ZNF516: variants seen among roughly 807,000 people sequenced by gnomAD.
ZNF516 encodes zinc finger protein 516.
Under a neutral mutation model 79.7 loss-of-function variants are expected in ZNF516, and 19 were observed. The observed-to-expected ratio is 0.24, with a 90% confidence interval of 0.17 to 0.35. The LOEUF (loss-of-function observed/expected upper bound fraction) is 0.35, where lower values mean the gene tolerates loss of function less well. Among genes scored for constraint, ZNF516 ranks in the 10% least tolerant of loss-of-function variants. The pLI is 1.00. For missense variants in ZNF516, 1,678 were observed against 1,679.5 expected (o/e 1.00, Z 0.02); for synonymous variants, 877 against 739.5 (o/e 1.19, Z -3.02).
rs139949388 is a variant in ZNF516 at position 76,429,333 on chromosome 18, C to T, written c.1810+11912G>A. Among the ~76,000 whole-genome samples, 862 of 152,288 alleles carry T rather than the reference C, an allele frequency of 5.7e-3. 15 individuals carry two copies. The highest frequency in any genetic ancestry group is 0.018 in the African/African-American group (767 of 41,546). On this transcript the variant is annotated intron_variant, in intron 3 of 6. Coordinates refer to ENST00000443185, the MANE Select transcript of ZNF516 (RefSeq NM_014643.4). ...TGGGATTTTGTCCATGGCCTTGGGACAGATAAAAGACAACAAGCTCAGGCA... is the reference window on the plus strand; with the variant it reads ...TGGGATTTTGTCCATGGCCTTGGGATAGATAAAAGACAACAAGCTCAGGCA...
chr18:76,491,664 C>A, intron 1 of ZNF516: 1 of 625,846 alleles, frequency 1.6e-6, no homozygotes, highest in Non-Finnish European at 2.0e-6. Flanking sequence ...AACAAGCGGC[C>A]ACCGCCCCCA....
intron 3 of ZNF516, among the ~76,000 whole-genome samples, chr18:76,416,942 G>T (rs1241088468): frequency 2.0e-5 from 3 of 151,960 alleles, no homozygotes; most frequent in African/African-American, 7.3e-5. Flanking sequence ...AAAAAAAAAC[G>T]AATGCAGAAA....
intron 2 of ZNF516, among the ~76,000 whole-genome samples, chr18:76,460,853 C>T (rs1343111435): frequency 3.3e-5 from 5 of 152,180 alleles, no homozygotes; most frequent in Non-Finnish European, 4.4e-5. Flanking sequence ...AATTACTTAA[C>T]CCTTTGTTTT....
At chr18:76,488,741 TAATA>T (rs1004453894) in intron 1 of ZNF516, among the ~76,000 whole-genome samples, 1 of 152,254 alleles carries the variant, frequency 6.6e-6, no homozygotes, top group Non-Finnish European at 1.5e-5. Context: ...GTTCTATTAC[TAATA>T]ATTAAATCCA....
At chr18:76,433,287 A>T (rs1263115316) in intron 3 of ZNF516, among the ~76,000 whole-genome samples, 1 of 152,126 alleles carries the variant, frequency 6.6e-6, no homozygotes, top group Non-Finnish European at 1.5e-5. Context: ...TTCGCTGTCA[A>T]CTCTGAAGAA....
At position 76,360,008 on chromosome 18, in the gene ZNF516, C is replaced by G. The variant is rs2074507212; in HGVS notation, c.*2490G>C. On this transcript the variant is annotated 3_prime_UTR_variant, in exon 7 of 7. Transcript: ENST00000443185. ...TCAAGGGATGGCGTTCTTGGGGGGGCTCCCCAGTCTGTTTAACTGGGTGAA... is the reference window on the plus strand; with the variant it reads ...TCAAGGGATGGCGTTCTTGGGGGGGGTCCCCAGTCTGTTTAACTGGGTGAA... 6.6e-6 allele frequency: 1 copy of G among 152,280 alleles called. No individual in the cohort carries two copies. The highest frequency in any genetic ancestry group is 1.5e-5 in the Non-Finnish European group (1 of 68,088). The allele number at this position is 152,280 out of a possible 1,614,324, so 9.4% of individuals were successfully genotyped here.
intron 1 of ZNF516, among the ~76,000 whole-genome samples, chr18:76,488,960 T>C (rs1056814760): frequency 6.6e-6 from 1 of 152,228 alleles, no homozygotes; most frequent in African/African-American, 2.4e-5. Flanking sequence ...AACAAAATAA[T>C]GCATGTCTTC....
At chr18:76,456,906 T>C (rs1276634248) in intron 2 of ZNF516, among the ~76,000 whole-genome samples, 2 of 152,262 alleles carry the variant, frequency 1.3e-5, no homozygotes, top group Non-Finnish European at 2.9e-5. Context: ...AAAATCACTT[T>C]GCTGCATTAA....
rs1305940783 is a variant in ZNF516, at chr18:76,395,528, A to G, written c.1811-15225T>C. Among the ~76,000 whole-genome samples, 4 of 152,174 alleles carry G rather than the reference A, an allele frequency of 2.6e-5. No individual in the cohort carries two copies. In the East Asian group the frequency reaches 5.8e-4, roughly 22 times the overall value. On this transcript the variant is annotated intron_variant, in intron 3 of 6. Transcript: ENST00000443185. Reference sequence around the variant, plus strand: ...GCAGGTATCTCTTAAGGACCTGCAAATAAGAACAGTAACGTTAAGCACAGG... The same window carrying G: ...GCAGGTATCTCTTAAGGACCTGCAAGTAAGAACAGTAACGTTAAGCACAGG...
At chr18:76,364,330 G>C (rs1351749572) in intron 6 of ZNF516, among the ~76,000 whole-genome samples, 2 of 152,164 alleles carry the variant, frequency 1.3e-5, no homozygotes, top group Non-Finnish European at 2.9e-5. Context: ...CAGCCCTAGA[G>C]CATTTTTAAG....
chr18:76,404,692 AGT>A (rs1203728348), intron 3 of ZNF516, among the ~76,000 whole-genome samples: 1 of 151,804 alleles, frequency 6.6e-6, no homozygotes, highest in African/African-American at 2.4e-5. Flanking sequence ...TGTGAGCATG[AGT>A]GTGAGCATGA....
At chr18:76,384,970 G>C (rs947616656) in intron 3 of ZNF516, among the ~76,000 whole-genome samples, 1 of 152,266 alleles carries the variant, frequency 6.6e-6, no homozygotes, top group African/African-American at 2.4e-5. Context: ...GGCTGGCTCA[G>C]AAAGGCCTGG....
intron 3 of ZNF516, among the ~76,000 whole-genome samples, chr18:76,384,828 G>T (rs940086418): frequency 6.6e-6 from 1 of 152,280 alleles, no homozygotes; most frequent in Middle Eastern, 3.4e-3. Context: ...GCCCCTGGGT[G>T]GCAGTGCTCA....
chr18:76,414,514 C>T (rs1724645813), intron 3 of ZNF516, among the ~76,000 whole-genome samples: 1 of 152,192 alleles, frequency 6.6e-6, no homozygotes, highest in South Asian at 2.1e-4. Flanking sequence ...TGGTGATTTT[C>T]AAGAGTTACA....
In ZNF516 at chr18:76,362,189, C is replaced by T. The variant is rs931799063; in HGVS notation, c.*309G>A. The T allele has an allele frequency of 3.5e-6, 1 of 287,620 alleles. No homozygotes were observed. The highest frequency in any genetic ancestry group is 6.6e-6 in the Non-Finnish European group (1 of 151,518). 17.8% of individuals were successfully genotyped at this position (287,620 alleles called of 1,614,324 possible). ...CAGATGCCTTGTGCCCCTACTGTGCCTGCCAGTACTACTGTTTATTATAAG... is the reference window on the plus strand; with the variant it reads ...CAGATGCCTTGTGCCCCTACTGTGCTTGCCAGTACTACTGTTTATTATAAG... On this transcript the variant is annotated 3_prime_UTR_variant, in exon 7 of 7. Transcript: ENST00000443185.
At chr18:76,461,374 G>A (rs944578358) in intron 2 of ZNF516, among the ~76,000 whole-genome samples, 4 of 152,058 alleles carry the variant, frequency 2.6e-5, no homozygotes, top group Non-Finnish European at 5.9e-5. Flanking sequence ...GGCTTCCTCC[G>A]AGCCCTGTGG....
intron 3 of ZNF516, among the ~76,000 whole-genome samples, chr18:76,423,712 C>A (rs1408306008): frequency 6.9e-6 from 1 of 145,472 alleles, no homozygotes; most frequent in Non-Finnish European, 1.5e-5. Flanking sequence ...CCGAAACACA[C>A]GCAGGTGAAA....
chr18:76,379,246 G>C lies in ZNF516; in HGVS notation c.2868C>G (p.Pro956=). The C allele has an allele frequency of 6.2e-7, 1 of 1,612,586 alleles. No individual in the cohort carries two copies. The highest frequency in any genetic ancestry group is 8.5e-7 in the Non-Finnish European group (1 of 1,179,630). Residue 956 remains proline, a synonymous_variant, in exon 4 of 7, where the codon CCC becomes CCG. Transcript: ENST00000443185. ...NSKPVEKFGV[P]PAGAGFAPTN... Reference sequence around the variant, plus strand: ...TGGGGGCAAAGCCAGCCCCCGCTGGGGGGACCCCAAACTTCTCCACAGGCT... The same window carrying C: ...TGGGGGCAAAGCCAGCCCCCGCTGGCGGGACCCCAAACTTCTCCACAGGCT...
intron 3 of ZNF516, among the ~76,000 whole-genome samples, chr18:76,405,288 G>A (rs1237023163): frequency 2.0e-5 from 3 of 152,154 alleles, no homozygotes; most frequent in Non-Finnish European, 4.4e-5. Flanking sequence ...GAGTGCAGTG[G>A]TGCAATCATA....
Sources: allele counts gnomAD v4.1 joint callset (sites outside exome capture counted in the v4.1 genomes callset), GRCh38; gene constraint gnomAD v4.1.1; transcripts MANE v1.5; gene names NCBI Gene and HGNC (gene_info 2026-07-23, HGNC 2026-07-21).